Variants in UROS observed in about 807,000 individuals in gnomAD.
The protein encoded by UROS is uroporphyrinogen III synthase, also known as uroporphyrinogen-III synthase.
A neutral mutation model predicts 33.0 loss-of-function variants in UROS; 18 were observed. The ratio of observed to expected loss-of-function variants is 0.55; its 90% CI spans 0.38 to 0.81. The LOEUF (loss-of-function observed/expected upper bound fraction) is 0.81. UROS is among the 30% of genes least tolerant of loss of function. UROS has a pLI of 0.00. For missense variants in UROS, 293 were observed against 314.9 expected (o/e 0.93, Z 0.53); for synonymous variants, 114 against 121.1 (o/e 0.94, Z 0.38).
At chr10:125,787,018 A>T (rs988679179), downstream of UROS, among the ~76,000 whole-genome samples, 2 of 152,134 alleles carry the variant, frequency 1.3e-5, no homozygotes, top group Non-Finnish European at 2.9e-5. Context: ...GCCCCGTATG[A>T]GCTCCCTGCC....
chr10:125,807,355 G>T, intron 6 of UROS, 58 bp downstream of exon 6: 2 of 1,421,990 alleles, frequency 1.4e-6, no homozygotes, highest in Non-Finnish European at 2.0e-6. Flanking sequence ...CCTAGGTAGT[G>T]GTTGTGAGGT....
In UROS at chr10:125,821,798, T is replaced by C. The variant is rs141462515; in HGVS notation, c.-27+1231A>G. On this transcript the variant is annotated intron_variant, in intron 1 of 9. Transcript: ENST00000368797. The stretch of plus-strand genomic sequence containing the variant: ...TCCTCTCTTCTCCATTACAGGAACA[T>C]GTTTTTGCAGTTGTGCGACCCAAAG... Among the ~76,000 whole-genome samples, 47 of 152,316 alleles carry C rather than the reference T, an allele frequency of 3.1e-4. No homozygotes were observed. The East Asian group carries it at 6.8e-3, about 22-fold the overall frequency.
At chr10:125,802,683 TCA>T (rs1424004466) in intron 6 of UROS, 2 of 1,270,012 alleles carry the variant, frequency 1.6e-6, no homozygotes, top group Non-Finnish European at 2.0e-6. Flanking sequence ...TGAAAATGTC[TCA>T]CAGTGCTGGC....
intron 4 of UROS, among the ~76,000 whole-genome samples, chr10:125,813,140 CT>C (rs1209602429): frequency 1.3e-5 from 2 of 152,176 alleles, no homozygotes; most frequent in African/African-American, 4.8e-5. Flanking sequence ...AAACAAACTA[CT>C]TTCCAAGCCT....
intron 9 of UROS, chr10:125,794,236 G>A (rs1287100516): frequency 1.2e-5 from 8 of 665,372 alleles, no homozygotes; most frequent in Admixed American, 6.3e-5. Flanking sequence ...CTGGGAGAGC[G>A]GTGCATACTC....
At chr10:125,817,010 T>C (rs1435729373) in intron 1 of UROS, among the ~76,000 whole-genome samples, 3 of 152,224 alleles carry the variant, frequency 2.0e-5, no homozygotes, top group Admixed American at 6.5e-5. Context: ...TCTAACAACA[T>C]GGAAAACGAT....
intron 1 of UROS, among the ~76,000 whole-genome samples, chr10:125,822,406 T>C (rs1386920479): frequency 6.6e-6 from 1 of 151,254 alleles, no homozygotes; most frequent in Non-Finnish European, 1.5e-5. Flanking sequence ...CACTGCAACC[T>C]CCGTCTCCTG....
downstream of UROS, among the ~76,000 whole-genome samples, chr10:125,786,537 T>C (rs1365750729): frequency 1.3e-5 from 2 of 152,128 alleles, no homozygotes; most frequent in Non-Finnish European, 2.9e-5. Context: ...GTGCTGGGAT[T>C]ACAGGTGTGA....
intron 4 of UROS, among the ~76,000 whole-genome samples, chr10:125,813,938 T>G (rs539267780): frequency 1.4e-4 from 22 of 152,354 alleles, no homozygotes; most frequent in African/African-American, 5.3e-4. Context: ...CCATGCCCAC[T>G]CTGCTCCAGG....
chr10:125,785,807 G>A (rs530430325), downstream of UROS: 3 of 152,338 alleles, frequency 2.0e-5, no homozygotes, highest in East Asian at 3.9e-4. Context: ...TTCCCTGCAT[G>A]AACTTCTTCA....
In UROS at chr10:125,794,442, C is replaced by T; in HGVS notation, c.660+438G>A. The T allele has an allele frequency of 8.6e-6, 7 of 817,052 alleles. No individual in the cohort carries two copies. In the South Asian group the frequency reaches 2.7e-4, roughly 31 times the overall value. The allele number at this position is 817,052 out of a possible 1,614,324, so 50.6% of individuals were successfully genotyped here. On this transcript the variant is annotated intron_variant, in intron 9 of 9. Coordinates refer to ENST00000368797, the MANE Select transcript of UROS (RefSeq NM_000375.3). The stretch of plus-strand genomic sequence containing the variant: ...TTGTAGACTCATAATAAATACAGTC[C>T]CTAGTAAGTGAGAATGTAAACCCTT...
intron 6 of UROS, chr10:125,802,230 G>T (rs1473477158): frequency 8.1e-6 from 8 of 985,444 alleles, no homozygotes; most frequent in Non-Finnish European, 7.2e-6. Flanking sequence ...CCACACTGAT[G>T]TGTGGCTCCA....
rs1164664667 is a variant in UROS at position 125,789,334 on chromosome 10, GTTC to G, written c.661-332_661-330del. Reference sequence around the variant, plus strand: ...TCCTCAGAGGCTCTAGCTGCAGACAGTTCTTCTTCGGGTGTTGGGGGCCCTGGG... The same window carrying G: ...TCCTCAGAGGCTCTAGCTGCAGACAGTTCTTCGGGTGTTGGGGGCCCTGGG... On this transcript the variant is annotated intron_variant, in intron 9 of 9. Transcript: ENST00000368797. 2.5e-5 allele frequency: 32 copies of G among 1,261,954 alleles called. No individual in the cohort carries two copies. In the East Asian group the frequency reaches 3.7e-4, roughly 14 times the overall value. 78.2% of individuals were successfully genotyped at this position (1,261,954 alleles called of 1,614,324 possible).
intron 6 of UROS, among the ~76,000 whole-genome samples, chr10:125,803,649 C>T (rs138029240): frequency 1.6e-4 from 25 of 152,330 alleles, no homozygotes; most frequent in East Asian, 5.8e-4. Context: ...GTTGTGTTCC[C>T]GTCTAGGCCT....
intron 1 of UROS, 130 bp downstream of exon 1, chr10:125,822,899 C>T (rs1475513073): frequency 6.6e-6 from 1 of 152,250 alleles, no homozygotes; most frequent in African/African-American, 2.4e-5. Flanking sequence ...GACATCCCCG[C>T]CTGGGCAGGC....
chr10:125,789,054 G>A (rs777697835), intron 9 of UROS, 49 bp from the exon 10 acceptor site: 2 of 1,606,980 alleles, frequency 1.2e-6, no homozygotes, highest in South Asian at 1.1e-5. Flanking sequence ...AGGAGGGGCT[G>A]GGGCAGCAGG....
chr10:125,808,947 A>T lies in UROS; in HGVS notation c.320-1460T>A, dbSNP rs147721090. Among the ~76,000 whole-genome samples the T allele has an allele frequency of 1.6e-3, 248 of 152,404 alleles. 1 individual carries two copies. Among genetic ancestry groups the T allele is most frequent in the African/African-American group, 5.6e-3 (232 of 41,602 alleles). On this transcript the variant is annotated intron_variant, in intron 5 of 9. Coordinates refer to ENST00000368797, the MANE Select transcript of UROS (RefSeq NM_000375.3). ...ACCAACACTCTGGCTGGGTAAGCCC[A>T]TCTTAAGGGCCCTGCCCAAGTAAAA... is the stretch of plus-strand genomic sequence containing the variant.
chr10:125,815,024 C>G lies in UROS; in HGVS notation c.244+10G>C. 6.2e-7 allele frequency: 1 copy of G among 1,613,946 alleles called. No individual in the cohort carries two copies. Among genetic ancestry groups the G allele is most frequent in the Non-Finnish European group, 8.5e-7 (1 of 1,179,894 alleles). On this transcript the variant is annotated intron_variant, in intron 4 of 9. Transcript: ENST00000368797. ...ATGTCCAGTGGAATCCACAGCAGAC[C>G]CACCCTCACCTTCAGTTTTATTGTT...
chr10:125,787,088 G>T (rs537677010), downstream of UROS, among the ~76,000 whole-genome samples: 2 of 152,228 alleles, frequency 1.3e-5, no homozygotes, highest in East Asian at 3.8e-4. Context: ...TCTGAAACAA[G>T]GCTTCGCCAG....
Sources: allele counts gnomAD v4.1 joint callset (sites outside exome capture counted in the v4.1 genomes callset), GRCh38; gene constraint gnomAD v4.1.1; transcripts MANE v1.5; gene names NCBI Gene and HGNC (gene_info 2026-07-23, HGNC 2026-07-21).